The following CCDC82 variants were observed in gnomAD, a reference collection of about 807,000 sequenced individuals.
CCDC82 encodes the protein coiled-coil domain containing 82.
In CCDC82, 47 loss-of-function variants were observed where a neutral mutation model predicts 60.6. The observed-to-expected ratio is 0.77, with a 90% CI of 0.61 to 0.99. The LOEUF is 0.99. Among genes scored for constraint, CCDC82 ranks in the 50% least tolerant of loss-of-function variants. CCDC82 has a pLI of 0.00. For synonymous variants in CCDC82, 212 were observed against 207.4 expected, an observed-to-expected ratio of 1.02 and a Z score of -0.19; for missense variants, 588 against 633.0, an observed-to-expected ratio of 0.93 and a Z score of 0.76.
At chr11:96,359,642 T>TAAAAAA (rs139619843) in intron 8 of CCDC82, among the ~76,000 whole-genome samples, 16 of 81,362 alleles carry the variant, frequency 2.0e-4, no homozygotes, top group Admixed American at 4.6e-4. Flanking sequence ...ATGGGCAAAG[T>TAAAAAA]AAAAAAAAAA....
Position 96,384,781 on chromosome 11 carries a change from G to C in CCDC82, c.-14-20C>G. ...AAGCTTCTATAAAATAAAGTTGTTA[G>C]GAATATAACAGTGATAACCAGATTA... is the stretch of plus-strand genomic sequence containing the variant. On this transcript the variant is annotated intron_variant, in intron 3 of 9. Coordinates refer to ENST00000646818, the MANE Select transcript of CCDC82 (RefSeq NM_024725.4). 1.4e-6 allele frequency: 2 copies of C among 1,466,352 alleles called. No homozygotes were observed. The highest frequency in any genetic ancestry group is 4.5e-5 in the East Asian group (2 of 44,104). 90.8% of individuals were successfully genotyped at this position (1,466,352 alleles called of 1,614,324 possible). A position where few individuals can be genotyped will look rare whatever the true frequency, so the allele number is the denominator to read the frequency against.
intron 7 of CCDC82, among the ~76,000 whole-genome samples, chr11:96,368,865 C>A (rs935910761): frequency 2.6e-3 from 366 of 142,044 alleles, no homozygotes; most frequent in Middle Eastern, 3.6e-3. Context: ...GACTCCGTCT[C>A]AAAAAAAAAA....
rs1185193052 is a variant in CCDC82, at chr11:96,383,266, T to C, written c.991+3A>G. 2.7e-6 allele frequency: 4 copies of C among 1,469,788 alleles called. No homozygotes were observed. The highest frequency in any genetic ancestry group is 2.9e-6 in the Non-Finnish European group (3 of 1,050,052). The allele number at this position is 1,469,788 out of a possible 1,614,324, so 91.0% of individuals were successfully genotyped here. On this transcript the variant is annotated splice_donor_region_variant and intron_variant, in intron 5 of 9. Coordinates refer to ENST00000646818, the MANE Select transcript of CCDC82 (RefSeq NM_024725.4). ...TGAAACATTTTCTTAATATTGAACT[T>C]ACAAAGAGAATTCTGTTTTACTAAT...
At chr11:96,369,562 C>T (rs970870518) in intron 7 of CCDC82, among the ~76,000 whole-genome samples, 8 of 152,176 alleles carry the variant, frequency 5.3e-5, no homozygotes, top group African/African-American at 1.9e-4. Context: ...GCAGTCAGCA[C>T]ACACATTTGT....
rs1591175898 is a variant in CCDC82 at position 96,365,010 on chromosome 11, T to C, written c.1350A>G (p.Gln450=). The C allele has an allele frequency of 6.2e-7, 1 of 1,606,018 alleles. No homozygotes were observed. Among genetic ancestry groups the C allele is most frequent in the Non-Finnish European group, 8.5e-7 (1 of 1,177,522 alleles). The stretch of plus-strand genomic sequence containing the variant: ...TATCATGTGACATGAAATTATCTAT[T>C]TGCATGGTCCTGGTGTTATACAACT... ...SGELYNTRTM[Q]IDNFMSHDKQ... Residue 450 remains glutamine (Q), a synonymous_variant, in exon 8 of 10, where the codon CAA becomes CAG. Coordinates refer to ENST00000646818, the MANE Select transcript of CCDC82 (RefSeq NM_024725.4).
rs377484645 is a variant in CCDC82, at chr11:96,383,311, A to G, written c.949T>C (p.Leu317=). The G allele has an allele frequency of 1.9e-6, 3 of 1,607,250 alleles. No individual in the cohort carries two copies. The highest frequency in any genetic ancestry group is 2.6e-6 in the Non-Finnish European group (3 of 1,174,960). Residue 317 remains leucine, a synonymous_variant, in exon 5 of 10, where the codon TTG becomes CTG. Coordinates refer to ENST00000646818, the MANE Select transcript of CCDC82 (RefSeq NM_024725.4). ...EENKNQQGEK[L]TTSQLKLVKQ... is the part of the protein sequence containing the mutation. Reference sequence around the variant, plus strand: ...ACTAATTTCAGTTGTGATGTAGTCAATTTTTCTCCTTGTTGGTTTTTATTC... The same window carrying G: ...ACTAATTTCAGTTGTGATGTAGTCAGTTTTTCTCCTTGTTGGTTTTTATTC...
chr11:96,386,085 A>C (rs181092661), intron 3 of CCDC82, 169 bp downstream of exon 3: 9 of 152,322 alleles, frequency 5.9e-5, no homozygotes, highest in South Asian at 2.1e-4. Context: ...CACCCACTTC[A>C]TTCACTTGTC....
In CCDC82 at chr11:96,353,524, A is replaced by C. The variant is rs993793429; in HGVS notation, c.*122T>G. ...AGGAATTAAGATAATCATGTTTTAA[A>C]CAAAATATTTTGCCATGAAGATATA... On this transcript the variant is annotated 3_prime_UTR_variant, in exon 10 of 10. Transcript: ENST00000646818. 5.2e-6 allele frequency: 4 copies of C among 766,468 alleles called. No individual in the cohort carries two copies. The African/African-American group carries it at 5.3e-5, about 10-fold the overall frequency. 47.5% of individuals were successfully genotyped at this position (766,468 alleles called of 1,614,324 possible).
chr11:96,387,434 C>T (rs1866258617), intron 2 of CCDC82, 96 bp downstream of exon 2: 1 of 152,186 alleles, frequency 6.6e-6, no homozygotes, highest in Admixed American at 6.5e-5. Context: ...TGCATTTTCA[C>T]ATTGATTTTT....
intron 5 of CCDC82, among the ~76,000 whole-genome samples, chr11:96,377,417 A>G (rs924812802): frequency 6.6e-6 from 1 of 151,990 alleles, no homozygotes; most frequent in Non-Finnish European, 1.5e-5. Context: ...TTCAATAGTT[A>G]TATTTCTTTT....
chr11:96,370,641 T>A (rs1446789238), intron 7 of CCDC82, among the ~76,000 whole-genome samples: 1 of 152,150 alleles, frequency 6.6e-6, no homozygotes, highest in Non-Finnish European at 1.5e-5. Context: ...AATTCACATA[T>A]AATGCTTGGG....
chr11:96,383,903 TTAAA>T, intron 4 of CCDC82, 55 bp downstream of exon 4: 2 of 1,465,836 alleles, frequency 1.4e-6, no homozygotes, highest in South Asian at 2.7e-5. Flanking sequence ...TTTATAAAAA[TTAAA>T]TACTTTAAGA....
In CCDC82 at chr11:96,383,357, T is replaced by C; in HGVS notation, c.903A>G (p.Gln301=). The change falls in exon 5 of 10, where the codon CAA becomes CAG. Residue 301 remains glutamine, a synonymous_variant. Coordinates refer to ENST00000646818, the MANE Select transcript of CCDC82 (RefSeq NM_024725.4). ...TATTCTCTTCATCACCCTCCTCATCTTGCACTACAAAGTCATCGATAATAT... is the reference window on the plus strand; with the variant it reads ...TATTCTCTTCATCACCCTCCTCATCCTGCACTACAAAGTCATCGATAATAT... ...DDYIIDDFVV[Q]DEEGDEENKN... is the part of the protein sequence containing the mutation. 6.2e-7 allele frequency: 1 copy of C among 1,605,776 alleles called. No homozygotes were observed. The highest frequency in any genetic ancestry group is 1.1e-5 in the South Asian group (1 of 90,594).
chr11:96,372,754 A>T (rs1203415479), intron 6 of CCDC82, among the ~76,000 whole-genome samples: 1 of 146,430 alleles, frequency 6.8e-6, no homozygotes, highest in Non-Finnish European at 1.5e-5. Flanking sequence ...ACGTATATTT[A>T]TATATATATT....
Position 96,384,622 on chromosome 11 carries a change from T to C in CCDC82, c.126A>G (p.Glu42=). 6.2e-7 allele frequency: 1 copy of C among 1,613,700 alleles called. No homozygotes were observed. Among genetic ancestry groups the C allele is most frequent in the Non-Finnish European group, 8.5e-7 (1 of 1,179,722 alleles). The stretch of plus-strand genomic sequence containing the variant: ...TATCAAATTCTTCACTATCAAGCTC[T>C]TCATCACTATCAAGTAATTGTGAGA... ...SSISQLLDSD[E]ELDSEEFDSD... The change falls in exon 4 of 10, where the codon GAA becomes GAG. Residue 42 remains glutamate (E), a synonymous_variant. Coordinates refer to ENST00000646818, the MANE Select transcript of CCDC82 (RefSeq NM_024725.4).
intron 7 of CCDC82, 24 bp from the exon 8 acceptor site, chr11:96,365,174 A>T (rs1864881417): frequency 2.1e-6 from 3 of 1,408,288 alleles, no homozygotes; most frequent in Middle Eastern, 2.0e-4. Flanking sequence ...ATATAAAAAA[A>T]AGTTTAAAAG....
chr11:96,383,105 T>C (rs1056027896), intron 5 of CCDC82, 164 bp downstream of exon 5: 8 of 589,296 alleles, frequency 1.4e-5, no homozygotes, highest in Non-Finnish European at 2.1e-5. Context: ...ATGTAAATGG[T>C]TCCTGAGACC....
At chr11:96,373,598 A>G in intron 5 of CCDC82, 131 bp from the exon 6 acceptor site, 1 of 536,870 alleles carries the variant, frequency 1.9e-6, no homozygotes, top group Non-Finnish European at 3.3e-6. Context: ...TCCTAATTTT[A>G]TAGCTTCCTC....
At chr11:96,365,762 T>G (rs909818109) in intron 7 of CCDC82, among the ~76,000 whole-genome samples, 3 of 152,336 alleles carry the variant, frequency 2.0e-5, no homozygotes, top group Non-Finnish European at 4.4e-5. Context: ...TAAGCTTCAT[T>G]ATTAAGCTAT....
Sources: gnomAD v4.1 joint callset for allele counts (sites outside exome capture counted in the v4.1 genomes callset) on GRCh38, gnomAD v4.1.1 for gene constraint, MANE v1.5 for transcripts, NCBI Gene and HGNC (gene_info 2026-07-23, HGNC 2026-07-21) for gene names.